Variants in HCRTR2 observed in about 807,000 individuals in gnomAD.
HCRTR2 encodes the protein hypocretin receptor 2.
In HCRTR2, 22 loss-of-function variants were observed where a neutral mutation model predicts 49.0. That is an observed-to-expected ratio of 0.45 (90% CI 0.32 to 0.64). The LOEUF (loss-of-function observed/expected upper bound fraction) is 0.64. HCRTR2 is among the 30% of genes least tolerant of loss of function. The pLI, the probability that HCRTR2 is intolerant of heterozygous loss-of-function variation, is 0.04. For missense variants in HCRTR2, 491 were observed against 559.4 expected (o/e 0.88, Z 1.23); for synonymous variants, 236 against 205.3 (o/e 1.15, Z -1.28).
At chr6:55,147,706 C>T (rs1290966385) in intron 1 of HCRTR2, among the ~76,000 whole-genome samples, 6 of 152,070 alleles carry the variant, frequency 3.9e-5, no homozygotes, top group Non-Finnish European at 8.8e-5. Context: ...AATGTAGTGT[C>T]CCTTTGAAAG....
chr6:55,263,923 C>T, intron 4 of HCRTR2, 101 bp downstream of exon 4: 1 of 738,394 alleles, frequency 1.4e-6, no homozygotes, highest in South Asian at 1.5e-5. Flanking sequence ...TTTTAGGATG[C>T]ACTTATAAAC....
chr6:55,129,845 A>C (rs1764330231), intron 1 of HCRTR2, among the ~76,000 whole-genome samples: 1 of 151,976 alleles, frequency 6.6e-6, no homozygotes, highest in African/African-American at 2.4e-5. Context: ...GATGACATTC[A>C]AATTTCTATA....
At chr6:55,128,341 G>A (rs975244435) in intron 1 of HCRTR2, among the ~76,000 whole-genome samples, 2 of 152,172 alleles carry the variant, frequency 1.3e-5, no homozygotes, top group Non-Finnish European at 2.9e-5. Context: ...AGTATAGTTT[G>A]AAGTAGGGTG....
chr6:55,126,889 C>T (rs1039114357), intron 1 of HCRTR2, among the ~76,000 whole-genome samples: 1 of 152,146 alleles, frequency 6.6e-6, no homozygotes, highest in East Asian at 1.9e-4. Context: ...CCTACTCAAG[C>T]CTCAGCAATG....
intron 1 of HCRTR2, among the ~76,000 whole-genome samples, chr6:55,107,390 C>T (rs1267889652): frequency 6.6e-6 from 1 of 152,024 alleles, no homozygotes; most frequent in African/African-American, 2.4e-5. Context: ...CAGAGATAAT[C>T]CATACATTTA....
intron 1 of HCRTR2, among the ~76,000 whole-genome samples, chr6:55,217,253 G>T (rs1304552495): frequency 6.6e-6 from 1 of 152,152 alleles, no homozygotes; most frequent in African/African-American, 2.4e-5. Context: ...TCTCCTCATT[G>T]TCTTAATGAA....
At chr6:55,234,685 A>G (rs1018697893) in intron 1 of HCRTR2, among the ~76,000 whole-genome samples, 10 of 152,132 alleles carry the variant, frequency 6.6e-5, no homozygotes, top group Admixed American at 2.0e-4. Flanking sequence ...AAAAACTCAA[A>G]AAGTACGAAA....
chr6:55,253,439 C>T (rs945631777), intron 2 of HCRTR2, among the ~76,000 whole-genome samples: 4 of 152,104 alleles, frequency 2.6e-5, no homozygotes, highest in African/African-American at 7.2e-5. Context: ...GAGATAACTA[C>T]CCTTTCCACA....
At chr6:55,267,265 A>G (rs1766876735) in intron 4 of HCRTR2, among the ~76,000 whole-genome samples, 1 of 152,130 alleles carries the variant, frequency 6.6e-6, no homozygotes, top group Non-Finnish European at 1.5e-5. Context: ...GAAATCTGTT[A>G]TGTACTTTTG....
At chr6:55,123,691 A>G (rs1230517195) in intron 1 of HCRTR2, among the ~76,000 whole-genome samples, 1 of 152,194 alleles carries the variant, frequency 6.6e-6, no homozygotes, top group Non-Finnish European at 1.5e-5. Context: ...GAATAGTTTC[A>G]GAAGGAATCC....
chr6:55,144,618 A>C (rs190382240), intron 1 of HCRTR2, among the ~76,000 whole-genome samples: 249 of 152,252 alleles, frequency 1.6e-3, no homozygotes, highest in African/African-American at 5.6e-3. Flanking sequence ...GATTCTCCTA[A>C]GTAGAGCGCA....
At chr6:55,236,112 A>G (rs372339948) in intron 1 of HCRTR2, among the ~76,000 whole-genome samples, 5 of 152,110 alleles carry the variant, frequency 3.3e-5, no homozygotes, top group African/African-American at 1.2e-4. Flanking sequence ...CAGCCTTACA[A>G]TACTTATTCT....
chr6:55,214,127 A>C (rs1484025311), intron 1 of HCRTR2, among the ~76,000 whole-genome samples: 1 of 152,150 alleles, frequency 6.6e-6, no homozygotes, highest in African/African-American at 2.4e-5. Context: ...ACAGATAGAC[A>C]CCAAAGGGAG....
At chr6:55,261,399 TTTTTTTA>T (rs1331970314) in intron 3 of HCRTR2, among the ~76,000 whole-genome samples, 2 of 152,108 alleles carry the variant, frequency 1.3e-5, no homozygotes, top group Non-Finnish European at 2.9e-5. Context: ...ATACCACTTT[TTTTTTTA>T]TTTTTTATTT....
chr6:55,136,375 G>A (rs1157949262), intron 1 of HCRTR2, among the ~76,000 whole-genome samples: 2 of 152,100 alleles, frequency 1.3e-5, no homozygotes, highest in East Asian at 1.9e-4. Context: ...ATGGCATCCT[G>A]TTCACATACA....
chr6:55,218,349 C>T (rs1267126825), intron 1 of HCRTR2, among the ~76,000 whole-genome samples: 1 of 152,056 alleles, frequency 6.6e-6, no homozygotes, highest in Non-Finnish European at 1.5e-5. Flanking sequence ...GAGCAAAATA[C>T]AGATAAAAGT....
chr6:55,157,410 C>T (rs1323823965), intron 1 of HCRTR2, among the ~76,000 whole-genome samples: 2 of 152,220 alleles, frequency 1.3e-5, no homozygotes, highest in African/African-American at 2.4e-5. Flanking sequence ...ACTCCAGGCC[C>T]GGGCTCTTGG....
intron 1 of HCRTR2, among the ~76,000 whole-genome samples, chr6:55,236,845 G>T (rs144299494): frequency 6.6e-6 from 1 of 151,762 alleles, no homozygotes; most frequent in Non-Finnish European, 1.5e-5. Flanking sequence ...CCTTTAATTC[G>T]TTTTGAAAAA....
At chr6:55,197,657 T>C (rs1347920587) in intron 1 of HCRTR2, among the ~76,000 whole-genome samples, 3 of 152,158 alleles carry the variant, frequency 2.0e-5, no homozygotes, top group African/African-American at 7.2e-5. Context: ...AGTCTCGCTC[T>C]GTCTCCCAGG....
Sources: allele counts gnomAD v4.1 joint callset (sites outside exome capture counted in the v4.1 genomes callset), GRCh38; gene constraint gnomAD v4.1.1; transcripts MANE v1.5; gene names NCBI Gene and HGNC (gene_info 2026-07-23, HGNC 2026-07-21).